The following HS2ST1 variants were observed in gnomAD, a reference collection of about 807,000 sequenced individuals.
The protein encoded by HS2ST1 is heparan sulfate 2-O-sulfotransferase 1, also known as 2-O-sulfotransferase.
Under a neutral mutation model 42.9 loss-of-function variants are expected in HS2ST1, and 18 were observed. That is an observed-to-expected ratio of 0.42 (90% CI 0.29 to 0.62). The LOEUF (loss-of-function observed/expected upper bound fraction) is 0.62. HS2ST1 is among the 20% of genes least tolerant of loss of function. The probability of loss-of-function intolerance (pLI) is 0.21; values close to 1 mark genes in which losing one functional copy is unlikely to be tolerated. For synonymous variants in HS2ST1, 146 were observed against 152.9 expected (o/e 0.95, Z 0.33); for missense variants, 334 against 433.8 (o/e 0.77, Z 2.04).
intron 1 of HS2ST1, among the ~76,000 whole-genome samples, chr1:86,927,729 C>G (rs1395362765): frequency 1.3e-5 from 2 of 152,046 alleles, no homozygotes; most frequent in African/African-American, 2.4e-5. Context: ...AGTGGCTATG[C>G]AAGTGCAGAC....
At chr1:87,009,805 C>A (rs561379997) in intron 1 of HS2ST1, among the ~76,000 whole-genome samples, 49 of 151,990 alleles carry the variant, frequency 3.2e-4, no homozygotes, top group African/African-American at 1.2e-3. Flanking sequence ...GAGGCCGAGG[C>A]GGGTGGATCA....
At chr1:86,963,890 T>C (rs1340069362) in intron 1 of HS2ST1, among the ~76,000 whole-genome samples, 1 of 137,366 alleles carries the variant, frequency 7.3e-6, no homozygotes, top group African/African-American at 3.1e-5. Flanking sequence ...GCGGCTGGCC[T>C]GGCGGGGGCT....
At chr1:86,987,967 T>C (rs1039813288) in intron 1 of HS2ST1, among the ~76,000 whole-genome samples, 8 of 152,194 alleles carry the variant, frequency 5.3e-5, no homozygotes, top group African/African-American at 1.9e-4. Context: ...ATTTTTTCAA[T>C]TACAATTCAT....
In HS2ST1 at chr1:86,976,704, G is replaced by GTGTATATATATATATATATATATATATA. The variant is rs1553134337; in HGVS notation, c.124+61545_124+61546insGTATATATATATATATATATATATATAT. On this transcript the variant is annotated intron_variant, in intron 1 of 6. Coordinates refer to ENST00000370550, the MANE Select transcript of HS2ST1 (RefSeq NM_012262.4). The stretch of plus-strand genomic sequence containing the variant: ...AAATCCATCTTTTCTTTATAAAATT[G>GTGTATATATATATATATATATATATATA]TATATATATATATATATTTTAAATG... Among the ~76,000 whole-genome samples, 426 of 79,660 alleles carry GTGTATATATATATATATATATATATATA rather than the reference G, an allele frequency of 5.3e-3. 24 individuals are homozygous for GTGTATATATATATATATATATATATATA. Among genetic ancestry groups the GTGTATATATATATATATATATATATATA allele is most frequent in the Non-Finnish European group, 9.0e-3 (334 of 36,908 alleles). 52.3% of individuals were successfully genotyped at this position (79,660 alleles called of 152,430 possible).
In HS2ST1 at chr1:86,959,124, T is replaced by C. The variant is rs1647754561; in HGVS notation, c.124+43964T>C. 3.3e-5 allele frequency among the ~76,000 whole-genome samples: 5 copies of C among 152,296 alleles called. No homozygotes were observed. In the South Asian group the frequency reaches 1.0e-3, roughly 32 times the overall value. ...AGAAAATCTACAAAAAACTTACAGCTAACATCATATTTACTAATGAGAACA... is the reference window on the plus strand; with the variant it reads ...AGAAAATCTACAAAAAACTTACAGCCAACATCATATTTACTAATGAGAACA... On this transcript the variant is annotated intron_variant, in intron 1 of 6. Coordinates refer to ENST00000370550, the MANE Select transcript of HS2ST1 (RefSeq NM_012262.4).
At chr1:87,092,733 C>A in intron 4 of HS2ST1, 64 bp downstream of exon 4, 3 of 1,022,494 alleles carry the variant, frequency 2.9e-6, no homozygotes, top group Non-Finnish European at 4.0e-6. Context: ...GAGCAATGTG[C>A]TTTTAAAATT....
intron 1 of HS2ST1, among the ~76,000 whole-genome samples, chr1:87,003,876 G>A (rs777841235): frequency 1.3e-5 from 2 of 152,262 alleles, no homozygotes; most frequent in South Asian, 2.1e-4. Context: ...AGGGACTTGA[G>A]CATCTCCTCT....
rs1375228300 is a variant in HS2ST1, at chr1:87,109,225, A to G, written c.*4529A>G. On this transcript the variant is annotated 3_prime_UTR_variant, in exon 7 of 7. Coordinates refer to ENST00000370550, the MANE Select transcript of HS2ST1 (RefSeq NM_012262.4). Reference sequence around the variant, plus strand: ...TAATATTTTCTTTTGTAGCCTTGACACTGATGGACATTTTCCAAGCTGACT... The same window carrying G: ...TAATATTTTCTTTTGTAGCCTTGACGCTGATGGACATTTTCCAAGCTGACT... 2.0e-5 allele frequency: 3 copies of G among 152,458 alleles called. No homozygotes were observed. Among genetic ancestry groups the G allele is most frequent in the South Asian group, 4.1e-4 (2 of 4,830 alleles). The allele number at this position is 152,458 out of a possible 1,614,324, so 9.4% of individuals were successfully genotyped here. A position where few individuals can be genotyped will look rare whatever the true frequency, so the allele number is the denominator to read the frequency against.
At position 86,915,248 on chromosome 1, in the gene HS2ST1, G is replaced by C. The variant is rs1404173001; in HGVS notation, c.124+88G>C. ...GAGCAAGTGGGCGTTCATCTAACCT[G>C]GGGTCTGGCTCGGGGGCTGAAAGCG... On this transcript the variant is annotated intron_variant, in intron 1 of 6. Coordinates refer to ENST00000370550, the MANE Select transcript of HS2ST1 (RefSeq NM_012262.4). The C allele has an allele frequency of 1.1e-5, 16 of 1,461,418 alleles. No individual in the cohort carries two copies. The Middle Eastern group carries it at 9.2e-4, about 84-fold the overall frequency. 90.5% of individuals were successfully genotyped at this position (1,461,418 alleles called of 1,614,324 possible). A position where few individuals can be genotyped will look rare whatever the true frequency, so the allele number is the denominator to read the frequency against.
At chr1:86,938,626 T>C (rs545061342) in intron 1 of HS2ST1, among the ~76,000 whole-genome samples, 1 of 152,140 alleles carries the variant, frequency 6.6e-6, no homozygotes, top group South Asian at 2.1e-4. Flanking sequence ...GGTGGATGAG[T>C]AAAAAGAAAA....
chr1:87,041,162 C>T (rs1650510637), intron 1 of HS2ST1, among the ~76,000 whole-genome samples: 1 of 142,034 alleles, frequency 7.0e-6, no homozygotes, highest in Admixed American at 7.4e-5. Flanking sequence ...AGGAAGACCA[C>T]ATTAAATTCC....
chr1:87,031,371 G>A (rs192488548), intron 1 of HS2ST1, among the ~76,000 whole-genome samples: 1 of 152,298 alleles, frequency 6.6e-6, no homozygotes, highest in Admixed American at 6.5e-5. Flanking sequence ...GTTTTCTAAA[G>A]TTTTCTGGAT....
chr1:87,056,735 T>C (rs1650979482), intron 1 of HS2ST1, among the ~76,000 whole-genome samples: 2 of 152,214 alleles, frequency 1.3e-5, no homozygotes, highest in South Asian at 4.1e-4. Flanking sequence ...AATTCTAATG[T>C]ATTAATATTT....
At chr1:87,048,714 T>C (rs1435201984) in intron 1 of HS2ST1, among the ~76,000 whole-genome samples, 2 of 152,100 alleles carry the variant, frequency 1.3e-5, no homozygotes, top group African/African-American at 4.8e-5. Context: ...TGATGTTGGA[T>C]TTTGTTTATG....
chr1:86,952,246 T>C (rs536039855), intron 1 of HS2ST1, among the ~76,000 whole-genome samples: 2 of 152,310 alleles, frequency 1.3e-5, no homozygotes, highest in African/African-American at 4.8e-5. Flanking sequence ...AAATAATAAA[T>C]ACTTTTTTTG....
At chr1:86,920,838 C>G (rs970364875) in intron 1 of HS2ST1, among the ~76,000 whole-genome samples, 1 of 152,130 alleles carries the variant, frequency 6.6e-6, no homozygotes, top group African/African-American at 2.4e-5. Flanking sequence ...CCTGTTCGGT[C>G]ATTTGTGCAC....
chr1:86,973,734 G>A (rs1287111175), intron 1 of HS2ST1, among the ~76,000 whole-genome samples: 1 of 151,982 alleles, frequency 6.6e-6, no homozygotes, highest in Non-Finnish European at 1.5e-5. Context: ...TTTTATTGTA[G>A]GCAAATTATA....
At chr1:87,071,325 C>T (rs1431671814) in intron 1 of HS2ST1, among the ~76,000 whole-genome samples, 1 of 152,188 alleles carries the variant, frequency 6.6e-6, no homozygotes. Flanking sequence ...TTTCATCTTA[C>T]TTTATTAAGT....
intron 2 of HS2ST1, among the ~76,000 whole-genome samples, chr1:87,073,691 CAG>C (rs1651473969): frequency 6.6e-6 from 1 of 152,048 alleles, no homozygotes; most frequent in Non-Finnish European, 1.5e-5. Context: ...TTTAGATAAA[CAG>C]ATGAATAAAT....
Sources: allele counts gnomAD v4.1 joint callset (sites outside exome capture counted in the v4.1 genomes callset), GRCh38; gene constraint gnomAD v4.1.1; transcripts MANE v1.5; gene names NCBI Gene and HGNC (gene_info 2026-07-23, HGNC 2026-07-21).